Variants in KCND3 observed in about 807,000 individuals in gnomAD.
The protein encoded by KCND3 is potassium voltage-gated channel subfamily D member 3.
A neutral mutation model predicts 51.1 loss-of-function variants in KCND3; 9 were observed. The observed-to-expected ratio is 0.18, with a 90% CI of 0.11 to 0.31. KCND3 has a LOEUF of 0.31. Ranked by LOEUF, KCND3 falls within the 10% of genes least tolerant of loss-of-function variation. The probability of loss-of-function intolerance (pLI) is 1.00; values close to 1 mark genes in which losing one functional copy is unlikely to be tolerated. For synonymous variants in KCND3, 349 were observed against 368.0 expected, an observed-to-expected ratio of 0.95 and a Z score of 0.59; for missense variants, 526 against 903.8, an observed-to-expected ratio of 0.58 and a Z score of 5.36.
At chr1:111,782,207 AGT>A in intron 3 of KCND3, among the ~76,000 whole-genome samples, 1 of 152,214 alleles carries the variant, frequency 6.6e-6, no homozygotes, top group Non-Finnish European at 1.5e-5. Context: ...AGGAGGCCAC[AGT>A]CTCAGGGGTT....
chr1:111,855,322 T>C (rs1300998919), intron 2 of KCND3, among the ~76,000 whole-genome samples: 1 of 152,134 alleles, frequency 6.6e-6, no homozygotes, highest in Non-Finnish European at 1.5e-5. Context: ...TGAGTATGAG[T>C]TCCCAGTGTC....
At chr1:111,831,112 G>A (rs1304821472) in intron 2 of KCND3, among the ~76,000 whole-genome samples, 1 of 152,242 alleles carries the variant, frequency 6.6e-6, no homozygotes, top group Non-Finnish European at 1.5e-5. Flanking sequence ...GACACCGGCT[G>A]TGCTGACTCC....
chr1:111,784,080 G>A (rs71513977), intron 3 of KCND3, among the ~76,000 whole-genome samples: 5,129 of 149,848 alleles, frequency 0.034, 130 homozygotes, highest in East Asian at 0.073. Flanking sequence ...TCTCTTGACC[G>A]TGGCAGTGGA....
intron 2 of KCND3, among the ~76,000 whole-genome samples, chr1:111,921,604 C>T (rs1358957567): frequency 6.6e-6 from 1 of 152,174 alleles, no homozygotes; most frequent in East Asian, 1.9e-4. Context: ...GAGAAAATAC[C>T]TCATGCCTCT....
At position 111,833,844 on chromosome 1, in the gene KCND3, A is replaced by G. The variant is rs556851157; in HGVS notation, c.1107-46738T>C. Among the ~76,000 whole-genome samples, 4 of 152,288 alleles carry G rather than the reference A, an allele frequency of 2.6e-5. No homozygotes were observed. In the East Asian group the frequency reaches 7.7e-4, roughly 29 times the overall value. ...AAAAACCTTTAAAAAGAACAAACTA[A>G]TCTGATCAAAGAAACTGAAAAAGAA... On this transcript the variant is annotated intron_variant, in intron 2 of 7. Transcript: ENST00000302127.
At chr1:111,893,522 C>T (rs1669949891) in intron 2 of KCND3, among the ~76,000 whole-genome samples, 1 of 152,098 alleles carries the variant, frequency 6.6e-6, no homozygotes. Context: ...TTTGAAAATT[C>T]CTTAACTCTT....
At chr1:111,852,306 T>C (rs1194878219) in intron 2 of KCND3, among the ~76,000 whole-genome samples, 1 of 152,194 alleles carries the variant, frequency 6.6e-6, no homozygotes, top group Admixed American at 6.5e-5. Flanking sequence ...AAATTACAAA[T>C]GCCTTCAAGG....
rs1307347733 is a variant in KCND3, at chr1:111,771,228, AGCT to A, written c.*4846_*4848del. 12 of 152,196 alleles carry A rather than the reference AGCT, an allele frequency of 7.9e-5. No individual in the cohort carries two copies. The highest frequency in any genetic ancestry group is 1.2e-4 in the Non-Finnish European group (8 of 68,024). 9.4% of individuals were successfully genotyped at this position (152,196 alleles called of 1,614,324 possible). On this transcript the variant is annotated 3_prime_UTR_variant, in exon 8 of 8. Coordinates refer to ENST00000302127, the MANE Select transcript of KCND3 (RefSeq NM_001378969.1). ...CAAGACTTAAAAGGAACCCCTTTAA[AGCT>A]GTTTCATTTTCTGATAGCCACTTTC...
At chr1:111,784,145 C>CACACACACACACACT (rs1553236817) in intron 3 of KCND3, among the ~76,000 whole-genome samples, 6 of 125,078 alleles carry the variant, frequency 4.8e-5, no homozygotes, top group Non-Finnish European at 8.5e-5. Flanking sequence ...ACACACACAC[C>CACACACACACACACT]AGTCCAAGTA....
chr1:111,979,671 T>C (rs75040703), intron 2 of KCND3, among the ~76,000 whole-genome samples: 2,850 of 152,288 alleles, frequency 0.019, 87 homozygotes, highest in African/African-American at 0.065. Context: ...GAAGTTTATA[T>C]AGTCTCTCTG....
intron 2 of KCND3, among the ~76,000 whole-genome samples, chr1:111,931,928 T>C (rs1401044899): frequency 6.6e-6 from 1 of 152,222 alleles, no homozygotes; most frequent in African/African-American, 2.4e-5. Context: ...AGTTTCCCAT[T>C]GCAGCTCTTA....
At position 111,795,261 on chromosome 1, in the gene KCND3, G is replaced by T. The variant is rs538582978; in HGVS notation, c.1107-8155C>A. 2.0e-5 allele frequency among the ~76,000 whole-genome samples: 3 copies of T among 152,276 alleles called. No homozygotes were observed. In the East Asian group the frequency reaches 5.8e-4, roughly 29 times the overall value. Reference sequence around the variant, plus strand: ...TCTCCTTGGCTCACCTGCAAAGTGAGCCCCAGCAGTGAGCCAGGAACCAAA... The same window carrying T: ...TCTCCTTGGCTCACCTGCAAAGTGATCCCCAGCAGTGAGCCAGGAACCAAA... On this transcript the variant is annotated intron_variant, in intron 2 of 7. Transcript: ENST00000302127.
intron 2 of KCND3, among the ~76,000 whole-genome samples, chr1:111,905,874 T>C (rs1245316939): frequency 3.3e-5 from 5 of 151,990 alleles, no homozygotes; most frequent in African/African-American, 9.7e-5. Context: ...GAGATTCTAA[T>C]GTGCAGCTGG....
At chr1:111,799,958 G>T (rs1665222234) in intron 2 of KCND3, among the ~76,000 whole-genome samples, 1 of 152,138 alleles carries the variant, frequency 6.6e-6, no homozygotes, top group African/African-American at 2.4e-5. Context: ...CCCCGTCCGG[G>T]AGGTGAGGGG....
intron 2 of KCND3, among the ~76,000 whole-genome samples, chr1:111,807,010 G>GT (rs1322789327): frequency 6.6e-6 from 1 of 152,196 alleles, no homozygotes; most frequent in African/African-American, 2.4e-5. Flanking sequence ...TCCTGGACTG[G>GT]TAACATTCCC....
chr1:111,831,675 T>C (rs1666839124), intron 2 of KCND3, among the ~76,000 whole-genome samples: 1 of 152,194 alleles, frequency 6.6e-6, no homozygotes, highest in South Asian at 2.1e-4. Context: ...CTTCACTAAC[T>C]GCCCAATTTA....
intron 2 of KCND3, among the ~76,000 whole-genome samples, chr1:111,849,690 G>A (rs1667719624): frequency 6.6e-6 from 1 of 152,228 alleles, no homozygotes. Flanking sequence ...ATCTGTCGGG[G>A]TGGAGGGAAG....
chr1:111,924,261 C>A (rs1333302467), intron 2 of KCND3, among the ~76,000 whole-genome samples: 1 of 152,212 alleles, frequency 6.6e-6, no homozygotes, highest in East Asian at 1.9e-4. Context: ...ATTATGGACA[C>A]ACGAACAAAT....
chr1:111,867,533 TA>T (rs1333941446), intron 2 of KCND3, among the ~76,000 whole-genome samples: 29 of 152,276 alleles, frequency 1.9e-4, no homozygotes, highest in African/African-American at 6.3e-4. Context: ...TCCCTTTCCC[TA>T]TGGGAACACC....
Sources: allele counts gnomAD v4.1 joint callset (sites outside exome capture counted in the v4.1 genomes callset), GRCh38; gene constraint gnomAD v4.1.1; transcripts MANE v1.5; gene names NCBI Gene and HGNC (gene_info 2026-07-23, HGNC 2026-07-21).